SYBU: variants seen among roughly 807,000 people sequenced by gnomAD.
The protein encoded by SYBU is syntabulin, also known as GOLSYN A protein.
In SYBU, 21 loss-of-function variants were observed where a neutral mutation model predicts 35.9. The ratio of observed to expected loss-of-function variants is 0.58; its 90% confidence interval spans 0.41 to 0.84. The LOEUF is 0.84. SYBU is among the 40% of genes least tolerant of loss of function. The pLI is 0.00. For synonymous variants in SYBU, 319 were observed against 324.3 expected, an observed-to-expected ratio of 0.98 and a Z score of 0.18; for missense variants, 768 against 848.2, an observed-to-expected ratio of 0.91 and a Z score of 1.17.
At chr8:109,579,093 A>C (rs996741277) in intron 5 of SYBU, among the ~76,000 whole-genome samples, 1 of 152,222 alleles carries the variant, frequency 6.6e-6, no homozygotes, top group Non-Finnish European at 1.5e-5. Flanking sequence ...CCGAAGGAGG[A>C]GGGCAGCCAG....
rs1816535492 is a variant in SYBU, at chr8:109,660,842, G to A, written c.-129+19869C>T. On this transcript the variant is annotated intron_variant, in intron 1 of 5. Coordinates refer to the SYBU transcript ENST00000408889. Reference sequence around the variant, plus strand: ...AAAGGAGGTCCTCATTCCACAGTGAGTGGAGCTGGAAAATACATGAATTGC... The same window carrying A: ...AAAGGAGGTCCTCATTCCACAGTGAATGGAGCTGGAAAATACATGAATTGC... Among the ~76,000 whole-genome samples, 5 of 152,270 alleles carry A rather than the reference G, an allele frequency of 3.3e-5. 1 individual carries two copies. The South Asian group carries it at 1.0e-3, about 32-fold the overall frequency.
upstream of SYBU, among the ~76,000 whole-genome samples, chr8:109,682,274 A>G (rs1321724107): frequency 1.3e-5 from 2 of 152,178 alleles, no homozygotes; most frequent in East Asian, 3.9e-4. Context: ...AACTTTCTAG[A>G]GACTTGGAGG....
chr8:109,637,875 T>C (rs538263778), intron 2 of SYBU, among the ~76,000 whole-genome samples: 4 of 152,330 alleles, frequency 2.6e-5, no homozygotes, highest in African/African-American at 7.2e-5. Flanking sequence ...CTCTAGGTCA[T>C]TGGCACTCAA....
intron 1 of SYBU, among the ~76,000 whole-genome samples, chr8:109,675,022 C>A (rs1817132462): frequency 6.6e-6 from 1 of 152,180 alleles, no homozygotes; most frequent in African/African-American, 2.4e-5. Flanking sequence ...AACTGAACAA[C>A]CTGCTCCTGA....
chr8:109,642,252 C>T (rs1207227692), intron 2 of SYBU, among the ~76,000 whole-genome samples: 1 of 151,936 alleles, frequency 6.6e-6, no homozygotes, highest in Non-Finnish European at 1.5e-5. Context: ...GGAAGTTGAA[C>T]ACATGGACAC....
chr8:109,638,737 C>A (rs1316890501), intron 2 of SYBU, among the ~76,000 whole-genome samples: 1 of 152,192 alleles, frequency 6.6e-6, no homozygotes, highest in African/African-American at 2.4e-5. Context: ...CAACTAAGGT[C>A]ATAGCGACCA....
At chr8:109,597,959 T>C (rs1000436617) in intron 3 of SYBU, among the ~76,000 whole-genome samples, 1 of 152,172 alleles carries the variant, frequency 6.6e-6, no homozygotes, top group African/African-American at 2.4e-5. Context: ...CTGATGCTGC[T>C]GGTTTGGAGC....
intron 3 of SYBU, among the ~76,000 whole-genome samples, chr8:109,613,503 C>T (rs1026888444): frequency 1.3e-5 from 2 of 152,182 alleles, no homozygotes; most frequent in East Asian, 3.8e-4. Flanking sequence ...GTATGCTGGA[C>T]TCTAGAGCCT....
intron 1 of SYBU, among the ~76,000 whole-genome samples, chr8:109,660,315 T>C (rs1289673695): frequency 1.3e-5 from 2 of 152,214 alleles, no homozygotes; most frequent in African/African-American, 2.4e-5. Context: ...TATTTTAACA[T>C]TTATTTCATT....
intron 1 of SYBU, among the ~76,000 whole-genome samples, chr8:109,669,354 A>G: frequency 6.6e-6 from 1 of 150,832 alleles, no homozygotes; most frequent in Non-Finnish European, 1.5e-5. Context: ...AAAAAAAAAA[A>G]AAAAAAAAAA....
At chr8:109,620,281 A>C (rs958982032) in intron 2 of SYBU, among the ~76,000 whole-genome samples, 1 of 152,232 alleles carries the variant, frequency 6.6e-6, no homozygotes, top group Admixed American at 6.5e-5. Context: ...GTAACTCATT[A>C]GACAAAGAAC....
At chr8:109,613,010 AG>A (rs71515941) in intron 3 of SYBU, among the ~76,000 whole-genome samples, 1 of 145,608 alleles carries the variant, frequency 6.9e-6, no homozygotes, top group Non-Finnish European at 1.5e-5. Flanking sequence ...GAAGAAGAAA[AG>A]AAAAAAAAAA....
intron 1 of SYBU, among the ~76,000 whole-genome samples, chr8:109,668,214 C>T (rs1324438253): frequency 6.0e-5 from 6 of 99,276 alleles, no homozygotes; most frequent in Admixed American, 1.0e-4. Context: ...CTTTTAATAG[C>T]GTAGGCATTT....
At chr8:109,597,105 T>TGATG (rs1824968256) in intron 3 of SYBU, among the ~76,000 whole-genome samples, 1 of 152,166 alleles carries the variant, frequency 6.6e-6, no homozygotes. Context: ...AGGAATTACG[T>TGATG]GATGCCCTGT....
chr8:109,690,664 T>C (rs751586758), intron 1 of SYBU, among the ~76,000 whole-genome samples: 1 of 152,206 alleles, frequency 6.6e-6, no homozygotes, highest in Non-Finnish European at 1.5e-5. Context: ...TCTTTCCACA[T>C]ACTAAATTAA....
intron 3 of SYBU, among the ~76,000 whole-genome samples, chr8:109,615,686 T>C (rs966723028): frequency 6.6e-6 from 1 of 152,176 alleles, no homozygotes; most frequent in African/African-American, 2.4e-5. Flanking sequence ...GCTCAGGTGA[T>C]ATTTATGCCT....
chr8:109,676,822 A>G lies in SYBU; in HGVS notation c.-129+3889T>C, dbSNP rs531108048. On this transcript the variant is annotated intron_variant, in intron 1 of 5. Coordinates refer to the SYBU transcript ENST00000408889. ...TGTCTTCAGAAATTGAGCTATGGAC[A>G]TGGCACCCAAGAGGGAATGGGATTC... Among the ~76,000 whole-genome samples the G allele has an allele frequency of 2.6e-4, 40 of 152,336 alleles. 1 individual carries two copies. The highest frequency in any genetic ancestry group is 3.4e-3 in the Middle Eastern group (1 of 294).
At chr8:109,602,429 ATTTTT>A (rs751669435) in intron 3 of SYBU, among the ~76,000 whole-genome samples, 6 of 132,634 alleles carry the variant, frequency 4.5e-5, no homozygotes, top group Admixed American at 1.6e-4. Context: ...CCTCTGTGTA[ATTTTT>A]TTTTTTTTTT....
At chr8:109,665,451 A>C (rs924205103) in intron 1 of SYBU, among the ~76,000 whole-genome samples, 1 of 152,226 alleles carries the variant, frequency 6.6e-6, no homozygotes, top group Admixed American at 6.5e-5. Flanking sequence ...ACCATGATCA[A>C]AAGTTTTAAA....
Sources: allele counts gnomAD v4.1 joint callset (sites outside exome capture counted in the v4.1 genomes callset), GRCh38; gene constraint gnomAD v4.1.1; transcripts MANE v1.5; gene names NCBI Gene and HGNC (gene_info 2026-07-23, HGNC 2026-07-21).